Variants in SECISBP2 observed in about 807,000 individuals in gnomAD.
The protein encoded by SECISBP2 is SECIS binding protein 2, also known as selenocysteine insertion sequence-binding protein 2.
A neutral mutation model predicts 98.2 loss-of-function variants in SECISBP2; 96 were observed. The observed-to-expected ratio is 0.98, with a 90% CI of 0.83 to 1.16. SECISBP2 has a LOEUF of 1.16. Ranked by LOEUF, SECISBP2 falls within the 50% of genes most tolerant of loss-of-function variation. SECISBP2 has a pLI of 0.00. For synonymous variants in SECISBP2, 407 were observed against 370.2 expected (o/e 1.10, Z -1.14); for missense variants, 1,046 against 1,022.9 (o/e 1.02, Z -0.31).
chr9:89,328,636 T>C, intron 4 of SECISBP2, 24 bp from the exon 5 acceptor site: 4 of 1,600,528 alleles, frequency 2.5e-6, no homozygotes, highest in Non-Finnish European at 2.6e-6. Flanking sequence ...ATTTTTACTC[T>C]TACTTTTAAT....
intron 5 of SECISBP2, chr9:89,330,568 T>C (rs144230805): frequency 6.6e-6 from 1 of 152,412 alleles, no homozygotes; most frequent in African/African-American, 2.4e-5. Context: ...TTGCTGGTAA[T>C]GTGCAGAAGA....
chr9:89,345,134 G>A (rs1368764715), intron 10 of SECISBP2, among the ~76,000 whole-genome samples: 1 of 152,098 alleles, frequency 6.6e-6, no homozygotes, highest in Non-Finnish European at 1.5e-5. Context: ...TAAAATTCTT[G>A]TTGACCGCCC....
chr9:89,335,720 C>G (rs1828555876), intron 7 of SECISBP2, among the ~76,000 whole-genome samples: 1 of 152,182 alleles, frequency 6.6e-6, no homozygotes, highest in South Asian at 2.1e-4. Flanking sequence ...ATTGTACTTA[C>G]ACTTTGAATA....
chr9:89,345,799 C>T (rs552478328), intron 10 of SECISBP2, among the ~76,000 whole-genome samples: 2 of 152,086 alleles, frequency 1.3e-5, no homozygotes, highest in South Asian at 2.1e-4. Context: ...GGGTTTTCCA[C>T]GAAGAGCTGA....
At position 89,332,994 on chromosome 9, in the gene SECISBP2, T is replaced by C; in HGVS notation, c.880+8T>C. On this transcript the variant is annotated splice_region_variant and intron_variant, in intron 6 of 16. Coordinates refer to ENST00000375807, the MANE Select transcript of SECISBP2 (RefSeq NM_024077.5). ...CTCCTTCATGTACAAGAGGTAAAAG[T>C]GGCTGCAAAAATGTTAATTTTTAAA... 6.2e-7 allele frequency: 1 copy of C among 1,611,340 alleles called. No homozygotes were observed. Among genetic ancestry groups the C allele is most frequent in the South Asian group, 1.1e-5 (1 of 91,022 alleles).
At chr9:89,320,125 G>T (rs533936900) in intron 2 of SECISBP2, among the ~76,000 whole-genome samples, 1 of 152,248 alleles carries the variant, frequency 6.6e-6, no homozygotes, top group South Asian at 2.1e-4. Context: ...GGGAGGCCGA[G>T]GTGGGTGGAT....
chr9:89,362,265 A>G (rs1426505188), downstream of SECISBP2: 26 of 1,479,058 alleles, frequency 1.8e-5, no homozygotes, highest in Non-Finnish European at 2.4e-5. Context: ...TGGTGGCCCA[A>G]TGGCTGTGTT....
chr9:89,366,358 T>TAA, the SECISBP2 span, among the ~76,000 whole-genome samples: 3 of 152,222 alleles, frequency 2.0e-5, no homozygotes, highest in African/African-American at 7.2e-5. Context: ...ATTGCTTTTA[T>TAA]AATAATAATT....
chr9:89,333,418 A>G (rs1828082292), intron 6 of SECISBP2, among the ~76,000 whole-genome samples: 1 of 152,254 alleles, frequency 6.6e-6, no homozygotes, highest in South Asian at 2.1e-4. Flanking sequence ...GCATTTTAAG[A>G]TAGCATATTT....
At chr9:89,354,482 G>C (rs953208871) in intron 14 of SECISBP2, among the ~76,000 whole-genome samples, 4 of 152,184 alleles carry the variant, frequency 2.6e-5, no homozygotes, top group Admixed American at 1.3e-4. Context: ...TTGTCTACCA[G>C]GGGTGCTCAT....
At chr9:89,347,103 C>A in intron 11 of SECISBP2, 55 bp downstream of exon 11, 3 of 1,553,890 alleles carry the variant, frequency 1.9e-6, no homozygotes, top group Non-Finnish European at 2.6e-6. Context: ...TCTCACATTT[C>A]CATAGTTATT....
chr9:89,357,213 T>G (rs541892047), intron 14 of SECISBP2, 198 bp from the exon 15 acceptor site: 59 of 641,496 alleles, frequency 9.2e-5, no homozygotes, highest in Non-Finnish European at 1.5e-4. Flanking sequence ...ACCAGCTGTG[T>G]GTTTTCTTTC....
At chr9:89,321,105 A>G (rs964609168) in intron 2 of SECISBP2, among the ~76,000 whole-genome samples, 6 of 152,220 alleles carry the variant, frequency 3.9e-5, no homozygotes, top group African/African-American at 1.4e-4. Flanking sequence ...GGTCTTTGGT[A>G]GGAATACCCT....
intron 4 of SECISBP2, among the ~76,000 whole-genome samples, chr9:89,326,871 A>G (rs544444701): frequency 6.6e-6 from 1 of 152,342 alleles, no homozygotes; most frequent in East Asian, 1.9e-4. Flanking sequence ...TTGTGTATCA[A>G]AATATAGAAA....
chr9:89,350,799 A>C lies in SECISBP2; in HGVS notation c.2060A>C (p.Lys687Thr). ...GAGGTTCTCAAACACCTGAAGCTCA[A>C]AAAACTGAAATGTGTCATTATTTCT... ...LREVLKHLKL[K>T]KLKCVIISPN... The change falls in exon 14 of 17, where the codon AAA (lysine) becomes ACA (threonine). Residue 687 changes from lysine to threonine, a missense_variant. Lys to Thr is a moderately conservative substitution (Grantham distance 78). Coordinates refer to ENST00000375807, the MANE Select transcript of SECISBP2 (RefSeq NM_024077.5). 1.2e-6 allele frequency: 2 copies of C among 1,614,208 alleles called. No individual in the cohort carries two copies. Among genetic ancestry groups the C allele is most frequent in the Non-Finnish European group, 1.7e-6 (2 of 1,180,022 alleles).
In SECISBP2 at chr9:89,319,759, C is replaced by A. The variant is rs1319768342; in HGVS notation, c.144C>A (p.Ala48=). The part of the protein sequence containing the change: ...SEACVFPSSA[A]TYYPFVQEPP... ...CATGTGTCTTCCCCAGCTCTGCAGC[C>A]ACATACTATCCGTTTGTTCAGGAAC... Residue 48 remains alanine, a synonymous_variant, in exon 2 of 17, where the codon GCC becomes GCA. Transcript: ENST00000375807. The A allele has an allele frequency of 6.2e-7, 1 of 1,614,150 alleles. No individual in the cohort carries two copies. Among genetic ancestry groups the A allele is most frequent in the South Asian group, 1.1e-5 (1 of 91,086 alleles).
chr9:89,334,583 A>G lies in SECISBP2; in HGVS notation c.942A>G (p.Ala314=), dbSNP rs1273554074. ...VRQTLSTELS[A]APKNVTSMIN... is the part of the protein sequence containing the mutation. ...AGACATTATCTACAGAACTGTCAGC[A>G]GCCCCTAAAAATGTTACTTCTATGA... The change falls in exon 7 of 17, where the codon GCA becomes GCG. Residue 314 remains alanine (A), a synonymous_variant. Transcript: ENST00000375807. The G allele has an allele frequency of 6.2e-7, 1 of 1,614,238 alleles. No individual in the cohort carries two copies. The highest frequency in any genetic ancestry group is 1.3e-5 in the African/African-American group (1 of 75,080).
chr9:89,332,240 A>G (rs980370554), intron 5 of SECISBP2, among the ~76,000 whole-genome samples: 16 of 152,292 alleles, frequency 1.1e-4, no homozygotes, highest in African/African-American at 3.8e-4. Flanking sequence ...ACACACACAC[A>G]CACACACAGC....
intron 5 of SECISBP2, among the ~76,000 whole-genome samples, chr9:89,331,534 C>T (rs976993326): frequency 1.3e-5 from 2 of 152,194 alleles, no homozygotes; most frequent in African/African-American, 4.8e-5. Flanking sequence ...TTTACTTTTA[C>T]CTCTGGTGTT....
Sources: allele counts gnomAD v4.1 joint callset (sites outside exome capture counted in the v4.1 genomes callset), GRCh38; gene constraint gnomAD v4.1.1; transcripts MANE v1.5; gene names NCBI Gene and HGNC (gene_info 2026-07-23, HGNC 2026-07-21).